Variants in PPP1R42 observed in about 807,000 individuals in gnomAD.
PPP1R42 encodes protein phosphatase 1 regulatory subunit 42.
A neutral mutation model predicts 31.0 loss-of-function variants in PPP1R42; 34 were observed. The observed-to-expected ratio is 1.10, with a 90% CI of 0.83 to 1.46. The LOEUF (loss-of-function observed/expected upper bound fraction) is 1.46. Ranked by LOEUF, PPP1R42 falls within the 40% of genes most tolerant of loss-of-function variation. The probability of loss-of-function intolerance (pLI) is 0.00; values close to 1 mark genes in which losing one functional copy is unlikely to be tolerated. For missense variants in PPP1R42, 268 were observed against 303.0 expected (o/e 0.88, Z 0.86); for synonymous variants, 103 against 109.8 (o/e 0.94, Z 0.39).
intron 7 of PPP1R42, among the ~76,000 whole-genome samples, chr8:66,969,326 TAAG>T (rs1814475063): frequency 6.6e-6 from 1 of 152,230 alleles, no homozygotes; most frequent in Non-Finnish European, 1.5e-5. Flanking sequence ...CAACAAAACT[TAAG>T]AACACTGTTG....
At chr8:66,999,202 T>C (rs929804730) in intron 5 of PPP1R42, among the ~76,000 whole-genome samples, 2 of 151,838 alleles carry the variant, frequency 1.3e-5, no homozygotes, top group Admixed American at 6.6e-5. Context: ...GGACTACAGA[T>C]GGGCACCACC....
intron 7 of PPP1R42, among the ~76,000 whole-genome samples, chr8:66,974,400 C>G (rs1254553392): frequency 2.0e-5 from 3 of 151,912 alleles, no homozygotes; most frequent in Non-Finnish European, 4.4e-5. Flanking sequence ...ACTGAAATTG[C>G]AAAATTAGCC....
At chr8:66,984,174 C>T in intron 6 of PPP1R42, 1 of 1,590,362 alleles carries the variant, frequency 6.3e-7, no homozygotes, top group Non-Finnish European at 8.6e-7. Flanking sequence ...GCGCAAGGTC[C>T]CAGTAATGTT....
At chr8:66,981,628 G>A (rs1041045976) in intron 7 of PPP1R42, among the ~76,000 whole-genome samples, 2 of 151,966 alleles carry the variant, frequency 1.3e-5, no homozygotes, top group East Asian at 1.9e-4. Flanking sequence ...TGATCCACCC[G>A]CCTCATCCTC....
chr8:67,012,365 G>T (rs966040896), intron 4 of PPP1R42, among the ~76,000 whole-genome samples: 3 of 152,156 alleles, frequency 2.0e-5, no homozygotes, highest in Admixed American at 6.5e-5. Context: ...ATTAGCAGGA[G>T]CCTAAGTGGT....
chr8:66,979,337 A>G (rs1223375935), intron 7 of PPP1R42, among the ~76,000 whole-genome samples: 1 of 152,172 alleles, frequency 6.6e-6, no homozygotes, highest in Non-Finnish European at 1.5e-5. Context: ...TTTCAAGATT[A>G]GCTTGGGCAA....
intron 7 of PPP1R42, 75 bp downstream of exon 7, chr8:66,981,974 G>A: frequency 2.4e-6 from 3 of 1,250,370 alleles, no homozygotes; most frequent in Non-Finnish European, 3.0e-6. Context: ...TATTTTATTT[G>A]TTGGCATTTT....
intron 6 of PPP1R42, chr8:66,984,996 A>G (rs1814961131): frequency 1.3e-6 from 2 of 1,551,546 alleles, no homozygotes; most frequent in Non-Finnish European, 1.8e-6. Flanking sequence ...TTCCAAAATA[A>G]TCTTCTCTCT....
At chr8:66,978,531 G>A (rs1029826228) in intron 7 of PPP1R42, among the ~76,000 whole-genome samples, 4 of 152,046 alleles carry the variant, frequency 2.6e-5, no homozygotes, top group East Asian at 3.9e-4. Context: ...AGCGATTCTC[G>A]TGCCTCAGCC....
At chr8:66,988,577 A>C in intron 5 of PPP1R42, 60 bp from the exon 6 acceptor site, 1 of 1,434,526 alleles carries the variant, frequency 7.0e-7, no homozygotes, top group Non-Finnish European at 9.5e-7. Context: ...TACTTCTAGC[A>C]TGTCAGTTAT....
chr8:66,989,522 A>AT (rs1480367004), intron 5 of PPP1R42, among the ~76,000 whole-genome samples: 6 of 151,794 alleles, frequency 4.0e-5, no homozygotes, highest in Non-Finnish European at 7.4e-5. Context: ...ATTTTTCTTT[A>AT]TTTTTTCTGT....
intron 7 of PPP1R42, among the ~76,000 whole-genome samples, chr8:66,981,380 C>CTTT (rs1175089191): frequency 1.5e-5 from 2 of 136,224 alleles, no homozygotes; most frequent in Non-Finnish European, 1.6e-5. Flanking sequence ...GATTTTTGCA[C>CTTT]TTTTTTTTTT....
At chr8:67,018,050 A>C (rs989269650) in intron 1 of PPP1R42, among the ~76,000 whole-genome samples, 59 of 152,120 alleles carry the variant, frequency 3.9e-4, no homozygotes, top group Non-Finnish European at 8.8e-5. Context: ...TTACTCATTC[A>C]CTTTTACTTT....
intron 7 of PPP1R42, among the ~76,000 whole-genome samples, chr8:66,975,988 T>A (rs1443956836): frequency 6.6e-6 from 1 of 152,182 alleles, no homozygotes; most frequent in Non-Finnish European, 1.5e-5. Context: ...TATTAGAAAC[T>A]GGGCCGCATA....
intron 7 of PPP1R42, chr8:66,971,159 T>G: frequency 2.7e-6 from 4 of 1,463,336 alleles, no homozygotes; most frequent in South Asian, 2.8e-5. Context: ...CACAAAGAAA[T>G]AAAAGCATTC....
At chr8:66,978,295 A>G (rs1310098092) in intron 7 of PPP1R42, among the ~76,000 whole-genome samples, 1 of 152,098 alleles carries the variant, frequency 6.6e-6, no homozygotes, top group African/African-American at 2.4e-5. Flanking sequence ...ATCCACTATC[A>G]CAAGAACAGT....
chr8:67,013,124 A>C (rs375921268), intron 3 of PPP1R42, 28 bp from the exon 4 acceptor site: 1 of 1,539,704 alleles, frequency 6.5e-7, no homozygotes, highest in Non-Finnish European at 8.7e-7. Flanking sequence ...AATTCTAAAC[A>C]GACATTCTGA....
chr8:66,990,368 C>A (rs868864844), intron 5 of PPP1R42, among the ~76,000 whole-genome samples: 2 of 152,292 alleles, frequency 1.3e-5, no homozygotes, highest in Middle Eastern at 3.4e-3. Context: ...TCGACATACT[C>A]CCTCCAGTGT....
intron 6 of PPP1R42, chr8:66,984,468 C>A: frequency 7.8e-7 from 1 of 1,284,588 alleles, no homozygotes; most frequent in South Asian, 1.2e-5. Flanking sequence ...GCAGTAACAC[C>A]ACTCCTATCA....
Sources: allele counts gnomAD v4.1 joint callset (sites outside exome capture counted in the v4.1 genomes callset), GRCh38; gene constraint gnomAD v4.1.1; transcripts MANE v1.5; gene names NCBI Gene and HGNC (gene_info 2026-07-23, HGNC 2026-07-21).